CDH9: variants seen among roughly 807,000 people sequenced by gnomAD.
CDH9 encodes the protein cadherin-9.
A neutral mutation model predicts 70.9 loss-of-function variants in CDH9; 28 were observed. That is an observed-to-expected ratio of 0.40 (90% CI 0.29 to 0.54). The LOEUF is 0.54. Among genes scored for constraint, CDH9 ranks in the 20% least tolerant of loss-of-function variants. CDH9 has a pLI of 0.59. For missense variants in CDH9, 874 were observed against 984.4 expected, an observed-to-expected ratio of 0.89 and a Z score of 1.50; for synonymous variants, 409 against 343.1, an observed-to-expected ratio of 1.19 and a Z score of -2.12.
intron 2 of CDH9, among the ~76,000 whole-genome samples, chr5:26,967,661 T>C (rs1055424252): frequency 6.6e-6 from 1 of 152,066 alleles, no homozygotes; most frequent in Non-Finnish European, 1.5e-5. Context: ...ACTCACAACA[T>C]CCTATTTTAA....
At chr5:26,905,864 A>C in intron 5 of CDH9, 95 bp downstream of exon 5, 2 of 913,274 alleles carry the variant, frequency 2.2e-6, no homozygotes, top group Non-Finnish European at 3.5e-6. Flanking sequence ...GCATAAACCA[A>C]TAGCAAAACT....
chr5:26,891,650 C>G (rs888904231), intron 7 of CDH9, among the ~76,000 whole-genome samples: 1 of 151,196 alleles, frequency 6.6e-6, no homozygotes, highest in Admixed American at 6.6e-5. Flanking sequence ...TGCACTCCAG[C>G]CTGGGTGACA....
Position 26,881,232 on chromosome 5 carries a change from A to G in CDH9, c.2274T>C (p.Ala758=). The change falls in exon 12 of 12, where the codon GCT becomes GCC. Residue 758 remains alanine, a synonymous_variant. Transcript: ENST00000231021. ...DSLSSLESLT[A]DCNQDYDYLS... is the part of the protein sequence containing the mutation. The stretch of plus-strand genomic sequence containing the variant: ...GGTAATCATAATCTTGGTTACAATC[A>G]GCTGTGAGAGATTCCAAAGAACTGA... 3.1e-6 allele frequency: 5 copies of G among 1,613,454 alleles called. No individual in the cohort carries two copies. Among genetic ancestry groups the G allele is most frequent in the Non-Finnish European group, 4.2e-6 (5 of 1,179,496 alleles).
At chr5:26,890,139 C>T (rs551648118) in intron 8 of CDH9, among the ~76,000 whole-genome samples, 182 bp from the exon 9 acceptor site, 26 of 152,152 alleles carry the variant, frequency 1.7e-4, no homozygotes, top group African/African-American at 6.3e-4. Flanking sequence ...TTGAGGAAAA[C>T]ATAATTGAGA....
rs368279002 is a variant in CDH9 at position 26,915,865 on chromosome 5, C to T, written c.288G>A (p.Gly96=). ...GNLKYILTGD[G]AGSLFVIDEN... ...CATCTATAACAAATAGACTGCCAGC[C>T]CCATCTCCTGTTAGTATGTATTTTA... Residue 96 remains glycine (G), a synonymous_variant, in exon 3 of 12, where the codon GGG becomes GGA. Transcript: ENST00000231021. 3.7e-6 allele frequency: 6 copies of T among 1,611,676 alleles called. No individual in the cohort carries two copies. The African/African-American group carries it at 6.7e-5, about 18-fold the overall frequency.
At chr5:26,946,508 G>A (rs1312596435) in intron 2 of CDH9, among the ~76,000 whole-genome samples, 1 of 152,106 alleles carries the variant, frequency 6.6e-6, no homozygotes, top group Non-Finnish European at 1.5e-5. Context: ...AAGAAGTGAG[G>A]CTATGTATAT....
intron 1 of CDH9, among the ~76,000 whole-genome samples, chr5:27,018,518 G>A (rs1561042509): frequency 6.6e-6 from 1 of 151,844 alleles, no homozygotes; most frequent in Non-Finnish European, 1.5e-5. Flanking sequence ...TTCCCAGGGA[G>A]CCCTCTAAAT....
intron 1 of CDH9, among the ~76,000 whole-genome samples, chr5:27,021,970 C>A (rs536819610): frequency 1.3e-5 from 2 of 151,898 alleles, no homozygotes; most frequent in African/African-American, 4.8e-5. Context: ...ATCGGATACT[C>A]TCGTGTTGTT....
intron 2 of CDH9, among the ~76,000 whole-genome samples, chr5:26,982,680 T>C (rs1034379780): frequency 1.3e-5 from 2 of 151,748 alleles, no homozygotes; most frequent in Non-Finnish European, 2.9e-5. Context: ...TAAGTTTTTT[T>C]TGTTTTTTTG....
chr5:27,002,745 G>A (rs1043571431), intron 1 of CDH9, among the ~76,000 whole-genome samples: 2 of 151,732 alleles, frequency 1.3e-5, no homozygotes, highest in African/African-American at 4.8e-5. Flanking sequence ...ACAGGAAGGT[G>A]AACATCACAT....
chr5:26,973,461 G>A lies in CDH9; in HGVS notation c.228+14645C>T, dbSNP rs184786570. Among the ~76,000 whole-genome samples, 572 of 151,492 alleles carry A rather than the reference G, an allele frequency of 3.8e-3. 1 individual carries two copies. Among genetic ancestry groups the A allele is most frequent in the African/African-American group, 0.013 (518 of 41,188 alleles). On this transcript the variant is annotated intron_variant, in intron 2 of 11. Coordinates refer to ENST00000231021, the MANE Select transcript of CDH9 (RefSeq NM_016279.4). ...ATTTTGTATTTTTTTTTTTACAAAA[G>A]ATGTTCCTTGAAGATTAGCAGCACA... is the stretch of plus-strand genomic sequence containing the variant.
intron 9 of CDH9, among the ~76,000 whole-genome samples, chr5:26,887,517 A>G: frequency 6.6e-6 from 1 of 151,368 alleles, no homozygotes; most frequent in Non-Finnish European, 1.5e-5. Context: ...ATATTAGCAT[A>G]TAATATATCA....
chr5:26,947,987 A>G (rs770547572), intron 2 of CDH9, among the ~76,000 whole-genome samples: 2 of 152,138 alleles, frequency 1.3e-5, no homozygotes, highest in African/African-American at 4.8e-5. Flanking sequence ...AGTAAAGGAA[A>G]TTTTGAACAC....
intron 1 of CDH9, among the ~76,000 whole-genome samples, chr5:27,004,599 A>C (rs1476367366): frequency 2.6e-5 from 4 of 152,098 alleles, no homozygotes; most frequent in African/African-American, 9.7e-5. Context: ...GAAATAAATT[A>C]ATAGAAGTGG....
At chr5:26,886,667 C>T (rs12658780) in intron 9 of CDH9, among the ~76,000 whole-genome samples, 49,477 of 152,002 alleles carry the variant, frequency 0.33, 8,600 homozygotes, top group Middle Eastern at 0.52. Flanking sequence ...TTTCCTTTAA[C>T]AGTATTTGCA....
At chr5:27,022,306 T>C (rs2112126662) in intron 1 of CDH9, among the ~76,000 whole-genome samples, 1 of 152,188 alleles carries the variant, frequency 6.6e-6, no homozygotes, top group Middle Eastern at 3.4e-3. Context: ...ACCTTAGAAT[T>C]ATTTATTCTT....
intron 2 of CDH9, among the ~76,000 whole-genome samples, chr5:26,978,325 A>G (rs546544234): frequency 2.6e-5 from 4 of 152,060 alleles, no homozygotes; most frequent in African/African-American, 9.6e-5. Context: ...GAAATGCCAT[A>G]AAATATGTAA....
At chr5:26,983,509 A>G (rs1300359189) in intron 2 of CDH9, among the ~76,000 whole-genome samples, 2 of 152,214 alleles carry the variant, frequency 1.3e-5, no homozygotes, top group African/African-American at 4.8e-5. Flanking sequence ...ACATGGAGCT[A>G]TATGCTAACA....
Position 27,029,930 on chromosome 5 carries a change from C to T in CDH9, c.-50+8533G>A, listed in dbSNP as rs76127529. On this transcript the variant is annotated intron_variant, in intron 1 of 11. Transcript: ENST00000231021. ...GCTTCTTAATGTGAAAAGTTAGATACGTCAATTATGGGGCTCCCGAGGCCA... is the reference window on the plus strand; with the variant it reads ...GCTTCTTAATGTGAAAAGTTAGATATGTCAATTATGGGGCTCCCGAGGCCA... Among the ~76,000 whole-genome samples the T allele has an allele frequency of 8.7e-3, 1,326 of 151,984 alleles. 23 individuals carry two copies. Among genetic ancestry groups the T allele is most frequent in the African/African-American group, 0.03 (1,256 of 41,486 alleles).
Sources: gnomAD v4.1 joint callset for allele counts (sites outside exome capture counted in the v4.1 genomes callset) on GRCh38, gnomAD v4.1.1 for gene constraint, MANE v1.5 for transcripts, NCBI Gene and HGNC (gene_info 2026-07-23, HGNC 2026-07-21) for gene names.